KAT14: variants seen among roughly 807,000 people sequenced by gnomAD.
KAT14 encodes lysine acetyltransferase 14.
Under a neutral mutation model 78.4 loss-of-function variants are expected in KAT14, and 66 were observed. The observed-to-expected ratio is 0.84, with a 90% CI of 0.69 to 1.03. KAT14 has a LOEUF of 1.03. KAT14 is among the 50% of genes least tolerant of loss of function. The probability of loss-of-function intolerance (pLI) is 0.00; values close to 1 mark genes in which losing one functional copy is unlikely to be tolerated. For synonymous variants in KAT14, 344 were observed against 359.4 expected (o/e 0.96, Z 0.48); for missense variants, 870 against 972.5 (o/e 0.89, Z 1.40).
chr20:18,142,919 A>C lies in KAT14; in HGVS notation c.259A>C (p.Ser87Arg). Residue 87 changes from serine (S) to arginine (R), a missense_variant and splice_region_variant, in exon 2 of 11, where the codon AGT (serine) becomes CGT (arginine). Coordinates refer to ENST00000688188, the MANE Select transcript of KAT14 (RefSeq NM_001392073.1). The part of the protein sequence containing the change: ...CDKCQKWIPA[S>R]QLREQLSYLK... Reference sequence around the variant, plus strand: ...CAAGTGCCAAAAATGGATACCAGCCAGTAAGGAGCTTCTCAATTCCTTTGA... The same window carrying C: ...CAAGTGCCAAAAATGGATACCAGCCCGTAAGGAGCTTCTCAATTCCTTTGA... 1 of 1,612,764 alleles carries C rather than the reference A, an allele frequency of 6.2e-7. No individual in the cohort carries two copies. The highest frequency in any genetic ancestry group is 8.5e-7 in the Non-Finnish European group (1 of 1,178,734).
At chr20:18,137,771 C>T, upstream of KAT14, 3 of 544,654 alleles carry the variant, frequency 5.5e-6, no homozygotes, top group Non-Finnish European at 8.8e-6. Flanking sequence ...TTCGTAGAGC[C>T]TGGGCGCCGC....
At position 18,142,685 on chromosome 20, in the gene KAT14, A is replaced by C; in HGVS notation, c.25A>C (p.Ser9Arg). 6.2e-7 allele frequency: 1 copy of C among 1,614,216 alleles called. No homozygotes were observed. Among genetic ancestry groups the C allele is most frequent in the Non-Finnish European group, 8.5e-7 (1 of 1,180,046 alleles). MDSSIHLS[S>R]LISRHDDEAT... The stretch of plus-strand genomic sequence containing the variant: ...GATGGATAGTAGCATCCACCTGAGT[A>C]GTCTGATCAGTCGGCATGATGACGA... Residue 9 changes from serine (S) to arginine (R), a missense_variant, in exon 2 of 11, where the codon AGT (serine) becomes CGT (arginine). Physicochemically the swap from Ser to Arg is moderately radical, Grantham distance 110. Transcript: ENST00000688188.
In KAT14 at chr20:18,162,459, G is replaced by C; in HGVS notation, c.1182G>C (p.Gly394=). The part of the protein sequence containing the change: ...VPPPAGSVAS[G]PVVGVRKKVR... Reference sequence around the variant, plus strand: ...CCCCTGCTGGGTCAGTAGCTTCTGGGCCAGTGGTTGGGGTCAGAAAGAAGG... The same window carrying C: ...CCCCTGCTGGGTCAGTAGCTTCTGGCCCAGTGGTTGGGGTCAGAAAGAAGG... The change falls in exon 7 of 11, where the codon GGG becomes GGC. Residue 394 remains glycine (G), a synonymous_variant. Transcript: ENST00000688188. The C allele has an allele frequency of 6.2e-7, 1 of 1,614,122 alleles. No homozygotes were observed. The highest frequency in any genetic ancestry group is 8.5e-7 in the Non-Finnish European group (1 of 1,180,032).
At chr20:18,159,757 A>G (rs2038351536) in intron 5 of KAT14, among the ~76,000 whole-genome samples, 1 of 152,206 alleles carries the variant, frequency 6.6e-6, no homozygotes, top group Admixed American at 6.5e-5. Context: ...TGTATCTCTA[A>G]GAGATCAGGA....
intron 7 of KAT14, among the ~76,000 whole-genome samples, chr20:18,179,419 G>T (rs1352699015): frequency 6.6e-6 from 1 of 152,224 alleles, no homozygotes; most frequent in Non-Finnish European, 1.5e-5. Context: ...GGGCATCCAG[G>T]TGTTTCCATA....
chr20:18,163,656 C>G (rs2038529156), intron 7 of KAT14, among the ~76,000 whole-genome samples: 1 of 152,100 alleles, frequency 6.6e-6, no homozygotes, highest in African/African-American at 2.4e-5. Flanking sequence ...TGTTTGGAGT[C>G]TGCATGTTTT....
At chr20:18,164,611 CTTGTTCTTTTTTTT>C (rs2038570401) in intron 7 of KAT14, among the ~76,000 whole-genome samples, 1 of 42,492 alleles carries the variant, frequency 2.4e-5, no homozygotes, top group African/African-American at 6.7e-5. Context: ...TTCACTTGTT[CTTGTTCTTTTTTTT>C]TTTTTTTTTG....
chr20:18,156,291 A>G (rs1369637131), intron 4 of KAT14, among the ~76,000 whole-genome samples: 3 of 152,172 alleles, frequency 2.0e-5, no homozygotes, highest in Admixed American at 1.3e-4. Flanking sequence ...TTGCCCTGTG[A>G]AAAGTGTTCT....
At chr20:18,149,392 G>C (rs1360186605) in intron 3 of KAT14, among the ~76,000 whole-genome samples, 2 of 152,202 alleles carry the variant, frequency 1.3e-5, no homozygotes, top group Non-Finnish European at 2.9e-5. Flanking sequence ...TTTAAAGGAA[G>C]GTGTTTGTTG....
intron 4 of KAT14, 117 bp from the exon 5 acceptor site, chr20:18,158,967 T>TTCAGTA (rs1227010505): frequency 7.8e-7 from 1 of 1,280,446 alleles, no homozygotes. Flanking sequence ...GCTCTGCTCC[T>TTCAGTA]TCAGTAGCTG....
At chr20:18,152,564 G>A (rs891706187) in intron 4 of KAT14, among the ~76,000 whole-genome samples, 1 of 152,152 alleles carries the variant, frequency 6.6e-6, no homozygotes, top group Non-Finnish European at 1.5e-5. Context: ...GTGACTCAGC[G>A]AGACTCCATC....
chr20:18,176,921 C>G (rs2039071621), intron 7 of KAT14, among the ~76,000 whole-genome samples: 1 of 152,064 alleles, frequency 6.6e-6, no homozygotes, highest in South Asian at 2.1e-4. Context: ...GGCAGTTGAT[C>G]CAGGCAGCAT....
intron 10 of KAT14, among the ~76,000 whole-genome samples, 155 bp downstream of exon 10, chr20:18,184,947 G>A (rs1054769589): frequency 3.3e-5 from 5 of 152,088 alleles, no homozygotes; most frequent in African/African-American, 1.2e-4. Context: ...GCATTCATGA[G>A]GTTATCAAAG....
At chr20:18,157,137 G>T (rs1045499922) in intron 4 of KAT14, among the ~76,000 whole-genome samples, 2 of 152,224 alleles carry the variant, frequency 1.3e-5, no homozygotes, top group African/African-American at 4.8e-5. Flanking sequence ...CACTGTCAAT[G>T]TACAAGTACG....
At chr20:18,143,857 C>T (rs2037707781) in intron 2 of KAT14, among the ~76,000 whole-genome samples, 2 of 152,114 alleles carry the variant, frequency 1.3e-5, no homozygotes, top group African/African-American at 4.8e-5. Flanking sequence ...CTCAAACTCC[C>T]AACCTCAGGT....
chr20:18,142,949 T>C, intron 2 of KAT14, 30 bp downstream of exon 2: 1 of 1,604,836 alleles, frequency 6.2e-7, no homozygotes, highest in South Asian at 1.1e-5. Flanking sequence ...CTTTGATTTG[T>C]CAATTCCTGT....
intron 5 of KAT14, 98 bp from the exon 6 acceptor site, chr20:18,161,725 A>G (rs2038428603): frequency 6.8e-7 from 1 of 1,476,532 alleles, no homozygotes; most frequent in Admixed American, 2.5e-5. Context: ...TAAAATGCAA[A>G]TATTCCAAAA....
At chr20:18,181,274 A>G (rs907360021) in intron 7 of KAT14, among the ~76,000 whole-genome samples, 2 of 152,142 alleles carry the variant, frequency 1.3e-5, no homozygotes, top group African/African-American at 4.8e-5. Context: ...CTTTCCAAAT[A>G]AGTAATACAA....
chr20:18,155,435 G>A (rs1174611897), intron 4 of KAT14, among the ~76,000 whole-genome samples: 2 of 152,132 alleles, frequency 1.3e-5, no homozygotes, highest in Non-Finnish European at 2.9e-5. Context: ...CACACAGCTT[G>A]TAGCATCCAG....
Sources: allele counts gnomAD v4.1 joint callset (sites outside exome capture counted in the v4.1 genomes callset), GRCh38; gene constraint gnomAD v4.1.1; transcripts MANE v1.5; gene names NCBI Gene and HGNC (gene_info 2026-07-23, HGNC 2026-07-21).